Variants in CSMD1 observed in about 807,000 individuals in gnomAD.
The protein encoded by CSMD1 is CUB and sushi domain-containing protein 1.
Under a neutral mutation model 417.5 loss-of-function variants are expected in CSMD1, and 213 were observed. The ratio of observed to expected loss-of-function variants is 0.51; its 90% confidence interval spans 0.46 to 0.57. The LOEUF is 0.57. CSMD1 is among the 20% of genes least tolerant of loss of function. The pLI is 0.00. For missense variants in CSMD1, 6,923 were observed against 4,529.7 expected (o/e 1.53, Z -15.17); for synonymous variants, 2,862 against 1,736.8 (o/e 1.65, Z -16.11).
At chr8:4,126,738 C>T (rs1231575830) in intron 3 of CSMD1, among the ~76,000 whole-genome samples, 1 of 152,034 alleles carries the variant, frequency 6.6e-6, no homozygotes, top group African/African-American at 2.4e-5. Flanking sequence ...TTTGAAAAGC[C>T]AACAAAAAAA....
At chr8:3,548,933 G>A (rs1018018671) in intron 10 of CSMD1, among the ~76,000 whole-genome samples, 4 of 151,956 alleles carry the variant, frequency 2.6e-5, no homozygotes, top group Non-Finnish European at 5.9e-5. Flanking sequence ...CTAAGTTCTC[G>A]CGTGTTCCTG....
chr8:4,334,676 C>T (rs917874918), intron 3 of CSMD1, among the ~76,000 whole-genome samples: 3 of 152,108 alleles, frequency 2.0e-5, no homozygotes, highest in African/African-American at 4.8e-5. Context: ...TGTAAATCCT[C>T]AAAGCCTATA....
chr8:4,170,757 G>T (rs1424852835), intron 3 of CSMD1, among the ~76,000 whole-genome samples: 1 of 151,722 alleles, frequency 6.6e-6, no homozygotes, highest in African/African-American at 2.4e-5. Flanking sequence ...TTAGAAAAAG[G>T]TAGCTAAGGG....
chr8:4,364,666 T>C lies in CSMD1; in HGVS notation c.415+55287A>G, dbSNP rs1255758758. ...GGTGAAACCCCGTCTCTACTAAAAA[T>C]ACAAAAAAATTAGCCGGGCGTAGTG... On this transcript the variant is annotated intron_variant, in intron 3 of 69. Transcript: ENST00000635120. Among the ~76,000 whole-genome samples the C allele has an allele frequency of 5.1e-5, 3 of 58,342 alleles. 1 individual carries two copies. The highest frequency in any genetic ancestry group is 8.7e-5 in the Non-Finnish European group (3 of 34,590). 38.3% of individuals were successfully genotyped at this position (58,342 alleles called of 152,430 possible).
At chr8:3,026,925 C>T (rs28546177) in intron 51 of CSMD1, among the ~76,000 whole-genome samples, 3 of 152,116 alleles carry the variant, frequency 2.0e-5, no homozygotes, top group African/African-American at 7.2e-5. Context: ...CTTCTGTACT[C>T]TGATGTCATT....
chr8:4,838,122 C>CT (rs888084875), intron 1 of CSMD1, among the ~76,000 whole-genome samples: 63 of 151,914 alleles, frequency 4.1e-4, no homozygotes, highest in African/African-American at 1.4e-3. Flanking sequence ...AACAGTAAAA[C>CT]TTTTTTTTAA....
chr8:4,946,567 G>C (rs972761212), intron 1 of CSMD1, among the ~76,000 whole-genome samples: 5 of 152,152 alleles, frequency 3.3e-5, no homozygotes, highest in Non-Finnish European at 1.5e-5. Flanking sequence ...TTCTGACTCT[G>C]TATAAGTGAA....
At chr8:4,426,597 T>C (rs1797571426) in intron 2 of CSMD1, among the ~76,000 whole-genome samples, 1 of 126,146 alleles carries the variant, frequency 7.9e-6, no homozygotes, top group South Asian at 2.6e-4. Context: ...CAGTATAGTA[T>C]ATATACTATA....
chr8:3,990,928 G>A (rs1814694682), intron 5 of CSMD1, among the ~76,000 whole-genome samples: 1 of 152,120 alleles, frequency 6.6e-6, no homozygotes, highest in Non-Finnish European at 1.5e-5. Context: ...TTCACTGCCT[G>A]GTGAAAGCAT....
intron 34 of CSMD1, among the ~76,000 whole-genome samples, chr8:3,189,402 C>G (rs960441543): frequency 6.6e-6 from 1 of 152,162 alleles, no homozygotes; most frequent in Non-Finnish European, 1.5e-5. Context: ...GATTTATGAG[C>G]AAATTCAAGA....
intron 7 of CSMD1, among the ~76,000 whole-genome samples, chr8:3,668,981 T>G (rs1239064331): frequency 1.3e-5 from 2 of 152,178 alleles, no homozygotes; most frequent in Non-Finnish European, 1.5e-5. Flanking sequence ...GCAACCAGGT[T>G]AGCCTGTGCT....
intron 3 of CSMD1, among the ~76,000 whole-genome samples, chr8:4,126,320 T>A (rs1458500441): frequency 6.6e-6 from 1 of 152,222 alleles, no homozygotes; most frequent in South Asian, 2.1e-4. Flanking sequence ...TGGCTCTGTC[T>A]GGGCAGGGGG....
At chr8:4,406,721 AATG>A (rs1180502476) in intron 3 of CSMD1, among the ~76,000 whole-genome samples, 3 of 152,208 alleles carry the variant, frequency 2.0e-5, no homozygotes, top group Non-Finnish European at 4.4e-5. Flanking sequence ...GTGATGTCCA[AATG>A]ATACCAGAGA....
intron 3 of CSMD1, among the ~76,000 whole-genome samples, chr8:4,154,352 G>A (rs1353880979): frequency 2.0e-5 from 3 of 152,212 alleles, no homozygotes; most frequent in African/African-American, 4.8e-5. Flanking sequence ...ATTCAGTCAA[G>A]CAAATGTCCA....
chr8:4,231,098 T>C (rs961555849), intron 3 of CSMD1, among the ~76,000 whole-genome samples: 1 of 152,180 alleles, frequency 6.6e-6, no homozygotes, highest in Non-Finnish European at 1.5e-5. Flanking sequence ...TAAGCATTTC[T>C]CCACCAAGGA....
At chr8:4,106,641 T>C (rs1398374753) in intron 3 of CSMD1, among the ~76,000 whole-genome samples, 1 of 152,246 alleles carries the variant, frequency 6.6e-6, no homozygotes, top group East Asian at 1.9e-4. Flanking sequence ...AAATGTGATG[T>C]TGATAGGTAT....
intron 12 of CSMD1, among the ~76,000 whole-genome samples, chr8:3,417,188 G>C (rs1035819745): frequency 1.3e-5 from 2 of 152,176 alleles, no homozygotes; most frequent in Admixed American, 6.5e-5. Context: ...GATTCTTCAA[G>C]TTATCACAAA....
In CSMD1 at chr8:3,448,485, A is replaced by G. The variant is rs1018938949; in HGVS notation, c.1561+20227T>C. On this transcript the variant is annotated intron_variant, in intron 12 of 69. Transcript: ENST00000635120. Reference sequence around the variant, plus strand: ...AGAAGAGATGTTCTTGCTGTACAAAAAAGGTGACTTTTTCCCTGAAAACTT... The same window carrying G: ...AGAAGAGATGTTCTTGCTGTACAAAGAAGGTGACTTTTTCCCTGAAAACTT... Among the ~76,000 whole-genome samples the G allele has an allele frequency of 2.1e-5, 3 of 144,786 alleles. No individual in the cohort carries two copies. In the Admixed American group the frequency reaches 2.1e-4, roughly 10 times the overall value. 95.0% of individuals were successfully genotyped at this position (144,786 alleles called of 152,430 possible).
intron 1 of CSMD1, among the ~76,000 whole-genome samples, chr8:4,721,346 A>G (rs1486191607): frequency 6.6e-6 from 1 of 152,176 alleles, no homozygotes; most frequent in East Asian, 1.9e-4. Flanking sequence ...ATCTCTTTTT[A>G]TTCTACTGCC....
Sources: gnomAD v4.1 joint callset for allele counts (sites outside exome capture counted in the v4.1 genomes callset) on GRCh38, gnomAD v4.1.1 for gene constraint, MANE v1.5 for transcripts, NCBI Gene and HGNC (gene_info 2026-07-23, HGNC 2026-07-21) for gene names.